PCDHGA4: variants seen among roughly 807,000 people sequenced by gnomAD.
PCDHGA4 encodes protocadherin gamma-A4.
In PCDHGA4, 38 loss-of-function variants were observed where a neutral mutation model predicts 54.6. The ratio of observed to expected loss-of-function variants is 0.70; its 90% CI spans 0.54 to 0.91. PCDHGA4 has a LOEUF of 0.91. Among genes scored for constraint, PCDHGA4 ranks in the 40% least tolerant of loss-of-function variants. PCDHGA4 has a pLI of 0.00. For missense variants in PCDHGA4, 1,298 were observed against 1,220.9 expected (o/e 1.06, Z -0.94); for synonymous variants, 511 against 512.9 (o/e 1.00, Z 0.05).
chr5:141,480,970 A>C (rs1189003084), intron 1 of PCDHGA4, among the ~76,000 whole-genome samples: 1 of 152,120 alleles, frequency 6.6e-6, no homozygotes, highest in Non-Finnish European at 1.5e-5. Flanking sequence ...AGTGAGGGAG[A>C]ATCAGTGAAC....
At chr5:141,423,327 A>G in intron 1 of PCDHGA4, 1 of 1,614,100 alleles carries the variant, frequency 6.2e-7, no homozygotes, top group Non-Finnish European at 8.5e-7. Flanking sequence ...CGGTGGCCGC[A>G]GTCTCCTGCA....
At chr5:141,379,009 A>T (rs1310996873) in intron 1 of PCDHGA4, 1 of 152,210 alleles carries the variant, frequency 6.6e-6, no homozygotes, top group Non-Finnish European at 1.5e-5. Flanking sequence ...ATTTTTCTCC[A>T]GTCATGAGTT....
intron 1 of PCDHGA4, chr5:141,376,562 C>G: frequency 1.2e-6 from 2 of 1,608,850 alleles, no homozygotes; most frequent in Non-Finnish European, 8.5e-7. Context: ...CGCAACCCAA[C>G]TAATCAGACA....
chr5:141,384,504 T>C (rs941539151), intron 1 of PCDHGA4: 1 of 1,614,048 alleles, frequency 6.2e-7, no homozygotes, highest in African/African-American at 1.3e-5. Context: ...TGACTGCACA[T>C]GACAGCGGGG....
chr5:141,437,030 A>G (rs1246601314), intron 1 of PCDHGA4, among the ~76,000 whole-genome samples: 1 of 152,248 alleles, frequency 6.6e-6, no homozygotes, highest in Non-Finnish European at 1.5e-5. Context: ...CAGAAAATGG[A>G]TCACCGAAAC....
At chr5:141,483,988 G>A (rs78891657) in intron 1 of PCDHGA4, among the ~76,000 whole-genome samples, 1,520 of 149,036 alleles carry the variant, frequency 0.01, 30 homozygotes, top group African/African-American at 0.037. Flanking sequence ...TAGCTAGGTT[G>A]CTGGGAGGTC....
chr5:141,455,924 G>A (rs2098837630), intron 1 of PCDHGA4, among the ~76,000 whole-genome samples: 1 of 149,978 alleles, frequency 6.7e-6, no homozygotes. Flanking sequence ...TTGAGACGGA[G>A]TCTCGCTCTG....
intron 3 of PCDHGA4, among the ~76,000 whole-genome samples, chr5:141,509,398 G>A (rs1218925417): frequency 6.6e-6 from 1 of 152,106 alleles, no homozygotes; most frequent in Admixed American, 6.5e-5. Context: ...GGATCTCAGG[G>A]CCTCCAGCAG....
intron 1 of PCDHGA4, chr5:141,388,406 C>T (rs770065402): frequency 1.9e-6 from 3 of 1,613,842 alleles, no homozygotes; most frequent in Non-Finnish European, 2.5e-6. Context: ...AACTCAGTCC[C>T]AGTGATCATT....
intron 1 of PCDHGA4, chr5:141,408,692 ATAAAC>A: frequency 1.2e-6 from 2 of 1,613,906 alleles, no homozygotes; most frequent in Non-Finnish European, 1.7e-6. Flanking sequence ...TGATATAAAC[ATAAAC>A]TCAATTAAAG....
rs2233607 is a variant in PCDHGA4 at position 141,490,647 on chromosome 5, G to A, written c.2515-4160G>A. The A allele has an allele frequency of 2.5e-3, 3,973 of 1,614,082 alleles. 41 individuals carry two copies. The African/African-American group carries it at 0.027, about 11-fold the overall frequency. ...CTTACATCCTAGAAAACCGGCCTCC[G>A]GGCTCCCTTCTTTGCACTGTGGCTG... is the stretch of plus-strand genomic sequence containing the variant. On this transcript the variant is annotated intron_variant, in intron 1 of 3. Transcript: ENST00000571252. The surrounding 1 kb of genome is among the most constrained non-coding windows in gnomAD (Gnocchi z 5.4).
intron 1 of PCDHGA4, among the ~76,000 whole-genome samples, chr5:141,425,068 A>G (rs1484760901): frequency 6.6e-6 from 1 of 152,174 alleles, no homozygotes; most frequent in African/African-American, 2.4e-5. Context: ...GGACAAAAAT[A>G]ATTTCAACTG....
intron 1 of PCDHGA4, chr5:141,423,618 C>CT (rs1300844043): frequency 1.9e-6 from 3 of 1,608,282 alleles, no homozygotes; most frequent in Admixed American, 1.7e-5. Flanking sequence ...TAGCTGAAGA[C>CT]TCAGCTATCA....
At chr5:141,417,030 T>G (rs1460954160) in intron 1 of PCDHGA4, 1 of 86,454 alleles carries the variant, frequency 1.2e-5, no homozygotes, top group East Asian at 2.9e-4. Flanking sequence ...AAATACAGGT[T>G]TTTTTTTTAA....
At position 141,490,735 on chromosome 5, in the gene PCDHGA4, C is replaced by T; in HGVS notation, c.2515-4072C>T. The T allele has an allele frequency of 2.5e-6, 4 of 1,614,194 alleles. No individual in the cohort carries two copies. Among genetic ancestry groups the T allele is most frequent in the Non-Finnish European group, 2.5e-6 (3 of 1,180,018 alleles). ...CTACTCCATTGTAGGAAATCAGGTTCAGGGAGCCCCAGCCTCCTCCTTTGT... is the reference window on the plus strand; with the variant it reads ...CTACTCCATTGTAGGAAATCAGGTTTAGGGAGCCCCAGCCTCCTCCTTTGT... On this transcript the variant is annotated intron_variant, in intron 1 of 3. Transcript: ENST00000571252. This position sits in a 1 kb window ranked among gnomAD's most constrained non-coding sequence, Gnocchi z 5.4.
chr5:141,473,626 G>A lies in PCDHGA4; in HGVS notation c.2515-21181G>A, dbSNP rs149882847. ...GCAAAGCAAAGGGAGGGAGGAAAAA[G>A]CAGCTTTCCTGGCAAAGGAACAATT... On this transcript the variant is annotated intron_variant, in intron 1 of 3. Transcript: ENST00000571252. Among the ~76,000 whole-genome samples, 1,234 of 152,276 alleles carry A rather than the reference G, an allele frequency of 8.1e-3. 14 individuals are homozygous for A. Among genetic ancestry groups the A allele is most frequent in the Non-Finnish European group, 0.011 (715 of 68,020 alleles).
chr5:141,356,762 A>T lies in PCDHGA4; in HGVS notation c.1655A>T (p.Asp552Val), dbSNP rs1431097659. 9 of 1,613,834 alleles carry T rather than the reference A, an allele frequency of 5.6e-6. No homozygotes were observed. The South Asian group carries it at 8.8e-5, about 16-fold the overall frequency. Residue 552 changes from aspartate to valine, a missense_variant, in exon 1 of 4, where the codon GAC becomes GTC. Asp to Val is a radical substitution (Grantham distance 152). Transcript: ENST00000571252. ...TGILYALCSF[D>V]YEQFRDLQLL... ...ATCCTATATGCTCTTTGCTCCTTCG[A>T]CTATGAGCAGTTTAGAGACCTGCAG...
intron 1 of PCDHGA4, among the ~76,000 whole-genome samples, chr5:141,438,325 A>C (rs1400796518): frequency 6.6e-6 from 1 of 151,948 alleles, no homozygotes; most frequent in African/African-American, 2.4e-5. Context: ...AATTTTTCTT[A>C]TACATGTCAT....
chr5:141,360,247 C>G (rs762222973), intron 1 of PCDHGA4: 2 of 1,613,916 alleles, frequency 1.2e-6, no homozygotes, highest in Non-Finnish European at 1.7e-6. Flanking sequence ...CTATTCAATT[C>G]CAGAGGAGCT....
Sources: allele counts gnomAD v4.1 joint callset (sites outside exome capture counted in the v4.1 genomes callset), GRCh38; gene constraint gnomAD v4.1.1; non-coding constraint Gnocchi (gnomAD v3.1); transcripts MANE v1.5; gene names NCBI Gene and HGNC (gene_info 2026-07-23, HGNC 2026-07-21).